Variants in PPP2R5C observed in about 807,000 individuals in gnomAD.
PPP2R5C encodes the protein protein phosphatase 2 regulatory subunit B'gamma.
PPP2R5C carries 7 observed loss-of-function variants against 68.9 expected under a neutral mutation model. The ratio of observed to expected loss-of-function variants is 0.10; its 90% CI spans 0.06 to 0.19. The LOEUF is 0.19. Among genes scored for constraint, PPP2R5C ranks in the 10% least tolerant of loss-of-function variants. PPP2R5C has a pLI of 1.00. For synonymous variants in PPP2R5C, 210 were observed against 222.2 expected (o/e 0.95, Z 0.49); for missense variants, 348 against 641.3 (o/e 0.54, Z 4.94).
chr14:101,856,833 C>G, exon 2 of PPP2R5C: 1 of 1,614,122 alleles, frequency 6.2e-7, no homozygotes. Context: ...GAATATATCA[C>G]CCATAATCGG....
At chr14:101,851,831 C>A (rs1457637022) in intron 1 of PPP2R5C, among the ~76,000 whole-genome samples, 1 of 151,748 alleles carries the variant, frequency 6.6e-6, no homozygotes, top group Non-Finnish European at 1.5e-5. Context: ...CAATCAGTTT[C>A]CTATCCACAG....
At chr14:101,852,164 G>A (rs2042193894) in intron 1 of PPP2R5C, among the ~76,000 whole-genome samples, 1 of 152,122 alleles carries the variant, frequency 6.6e-6, no homozygotes, top group African/African-American at 2.4e-5. Flanking sequence ...CTTGTTCTTT[G>A]TAGAAGAAAG....
intron 1 of PPP2R5C, 53 bp downstream of exon 1, chr14:101,761,973 G>A: frequency 8.4e-7 from 1 of 1,184,600 alleles, no homozygotes; most frequent in Non-Finnish European, 1.1e-6. Context: ...ACTGCCGGGG[G>A]AGGGCGCGAC....
At position 101,917,055 on chromosome 14, in the gene PPP2R5C, C is replaced by T. The variant is rs1251667515; in HGVS notation, c.1327-776C>T. Among the ~76,000 whole-genome samples the T allele has an allele frequency of 1.3e-5, 2 of 152,146 alleles. No homozygotes were observed. The highest frequency in any genetic ancestry group is 3.9e-4 in the East Asian group (2 of 5,152). Reference sequence around the variant, plus strand: ...TGTGCCCTCAGAGCCAGCAGACGCTCGTCACAGTCATACTGTCCTGTGCAC... The same window carrying T: ...TGTGCCCTCAGAGCCAGCAGACGCTTGTCACAGTCATACTGTCCTGTGCAC... On this transcript the variant is annotated intron_variant, in intron 12 of 13. Transcript: ENST00000334743. The surrounding 1 kb of genome is among the most constrained non-coding windows in gnomAD (Gnocchi z 4.4).
At chr14:101,892,694 C>T (rs767251434) in intron 6 of PPP2R5C, among the ~76,000 whole-genome samples, 25 of 152,014 alleles carry the variant, frequency 1.6e-4, no homozygotes, top group Non-Finnish European at 2.6e-4. Flanking sequence ...TTGCAGGGAC[C>T]GGAGCACTAT....
At chr14:101,841,528 A>C (rs1050164588) in intron 1 of PPP2R5C, among the ~76,000 whole-genome samples, 1 of 152,192 alleles carries the variant, frequency 6.6e-6, no homozygotes, top group African/African-American at 2.4e-5. Flanking sequence ...TTCCGTGTCC[A>C]GACAGACACT....
chr14:101,763,671 G>A (rs1415574161), intron 2 of PPP2R5C, among the ~76,000 whole-genome samples: 1 of 152,054 alleles, frequency 6.6e-6, no homozygotes, highest in Admixed American at 6.5e-5. Flanking sequence ...CTGAGCCACC[G>A]TGCCCATCCT....
intron 1 of PPP2R5C, among the ~76,000 whole-genome samples, chr14:101,839,976 A>G (rs2041363935): frequency 6.6e-6 from 1 of 151,946 alleles, no homozygotes; most frequent in Non-Finnish European, 1.5e-5. Context: ...TACAGTGAGC[A>G]TGTATTATTT....
chr14:101,807,738 G>T (rs747074868), upstream of PPP2R5C, among the ~76,000 whole-genome samples: 19 of 151,786 alleles, frequency 1.3e-4, 1 homozygote, highest in Admixed American at 3.3e-4. Flanking sequence ...ACATGCATAG[G>T]GTTTCAAAAG....
chr14:101,853,336 A>T (rs1287913538), intron 1 of PPP2R5C, among the ~76,000 whole-genome samples: 1 of 152,204 alleles, frequency 6.6e-6, no homozygotes, highest in Non-Finnish European at 1.5e-5. Flanking sequence ...GATTATAATC[A>T]CAGGCATATC....
intron 9 of PPP2R5C, among the ~76,000 whole-genome samples, chr14:101,902,425 C>T (rs754650416): frequency 1.6e-4 from 24 of 152,342 alleles, no homozygotes; most frequent in Non-Finnish European, 2.8e-4. Flanking sequence ...AAGCCAGCCT[C>T]GGCTCATCAC....
At chr14:101,865,786 C>A (rs1418121873) in intron 2 of PPP2R5C, among the ~76,000 whole-genome samples, 1 of 152,200 alleles carries the variant, frequency 6.6e-6, no homozygotes, top group Non-Finnish European at 1.5e-5. Context: ...CAGAAAGAGA[C>A]AAGCCTCCAA....
At chr14:101,804,528 A>G (rs556457172) in intron 3 of PPP2R5C, among the ~76,000 whole-genome samples, 2 of 152,230 alleles carry the variant, frequency 1.3e-5, no homozygotes, top group Non-Finnish European at 1.5e-5. Context: ...ATAGAGTACT[A>G]TTCAGCCATG....
At chr14:101,816,901 TATATATATAATATATATATTTATATA>T (rs1313544117) in intron 1 of PPP2R5C, among the ~76,000 whole-genome samples, 2 of 125,476 alleles carry the variant, frequency 1.6e-5, no homozygotes, top group African/African-American at 6.7e-5. Context: ...ATTATATAAA[TATATATATAATATATATATTTATATA>T]ATATATATAA....
chr14:101,796,371 G>A (rs192864214), intron 3 of PPP2R5C, among the ~76,000 whole-genome samples: 19 of 152,254 alleles, frequency 1.2e-4, no homozygotes, highest in Non-Finnish European at 2.2e-4. Context: ...GTGTCTTCTC[G>A]TGATTTGCCA....
intron 2 of PPP2R5C, among the ~76,000 whole-genome samples, chr14:101,880,373 C>T (rs2044080156): frequency 6.6e-6 from 1 of 152,214 alleles, no homozygotes; most frequent in East Asian, 1.9e-4. Context: ...GTCAGCTCCC[C>T]TCTCAGATGA....
chr14:101,837,435 C>T (rs571614651), intron 1 of PPP2R5C, among the ~76,000 whole-genome samples: 1 of 152,330 alleles, frequency 6.6e-6, no homozygotes, highest in African/African-American at 2.4e-5. Flanking sequence ...GCGTGAGCCA[C>T]CGTGCCCGAC....
chr14:101,865,466 A>T (rs59704279), intron 2 of PPP2R5C, among the ~76,000 whole-genome samples: 6,921 of 152,278 alleles, frequency 0.045, 543 homozygotes, highest in African/African-American at 0.16. Flanking sequence ...GAGATGGGGT[A>T]CTGTGGTTGT....
chr14:101,818,344 A>T (rs538079113), intron 1 of PPP2R5C: 1 of 152,180 alleles, frequency 6.6e-6, no homozygotes. Flanking sequence ...TTCATCTTTA[A>T]AAGTTGGTAT....
Sources: allele counts gnomAD v4.1 joint callset (sites outside exome capture counted in the v4.1 genomes callset), GRCh38; gene constraint gnomAD v4.1.1; non-coding constraint Gnocchi (gnomAD v3.1); transcripts MANE v1.5; gene names NCBI Gene and HGNC (gene_info 2026-07-23, HGNC 2026-07-21).